PSD3: variants seen among roughly 807,000 people sequenced by gnomAD.
PSD3 encodes PH and SEC7 domain-containing protein 3.
In PSD3, 49 loss-of-function variants were observed where a neutral mutation model predicts 105.5. The ratio of observed to expected loss-of-function variants is 0.46; its 90% CI spans 0.37 to 0.59. PSD3 has a LOEUF of 0.59. Among genes scored for constraint, PSD3 ranks in the 20% least tolerant of loss-of-function variants. The probability of loss-of-function intolerance (pLI) is 0.00; values close to 1 mark genes in which losing one functional copy is unlikely to be tolerated. For synonymous variants in PSD3, 557 were observed against 457.8 expected, an observed-to-expected ratio of 1.22 and a Z score of -2.77; for missense variants, 1,561 against 1,263.8, an observed-to-expected ratio of 1.24 and a Z score of -3.57.
At chr8:18,774,107 T>C (rs1807803390) in intron 8 of PSD3, among the ~76,000 whole-genome samples, 1 of 152,238 alleles carries the variant, frequency 6.6e-6, no homozygotes, top group Admixed American at 6.5e-5. Flanking sequence ...TAATAGGTTT[T>C]TTCTTTTGTA....
chr8:18,666,755 C>T (rs1014750680), intron 9 of PSD3, among the ~76,000 whole-genome samples: 4 of 151,144 alleles, frequency 2.6e-5, no homozygotes, highest in African/African-American at 9.8e-5. Context: ...TGGAAGCACA[C>T]ATTATTCAAG....
chr8:19,069,949 C>CTT (rs5889849), intron 1 of PSD3, among the ~76,000 whole-genome samples: 1 of 139,010 alleles, frequency 7.2e-6, no homozygotes, highest in African/African-American at 2.6e-5. Context: ...TTTCTTTTTT[C>CTT]TTTTTTTTTT....
At chr8:18,923,885 A>AATAT (rs66515444) in intron 2 of PSD3, among the ~76,000 whole-genome samples, 47 of 151,072 alleles carry the variant, frequency 3.1e-4, no homozygotes, top group African/African-American at 7.8e-4. Context: ...AGCTACTTTA[A>AATAT]ATATATATAT....
intron 11 of PSD3, among the ~76,000 whole-genome samples, chr8:18,622,152 G>A (rs751506712): frequency 1.4e-4 from 21 of 152,124 alleles, no homozygotes; most frequent in Non-Finnish European, 2.4e-4. Flanking sequence ...CTTAAAAAGC[G>A]ATGAATATTT....
chr8:18,977,070 G>T (rs2129472452), intron 1 of PSD3, among the ~76,000 whole-genome samples: 1 of 152,164 alleles, frequency 6.6e-6, no homozygotes, highest in East Asian at 1.9e-4. Flanking sequence ...GACCAGGCTG[G>T]CCAACATGGT....
intron 1 of PSD3, chr8:18,979,503 C>T (rs1223646623): frequency 6.6e-6 from 1 of 152,174 alleles, no homozygotes; most frequent in Non-Finnish European, 1.5e-5. Flanking sequence ...GCCCACAGTT[C>T]TTCCAAGGAA....
At chr8:18,737,287 T>A (rs1804222474) in intron 9 of PSD3, among the ~76,000 whole-genome samples, 1 of 152,112 alleles carries the variant, frequency 6.6e-6, no homozygotes, top group African/African-American at 2.4e-5. Context: ...TAATGGAACT[T>A]TAATTTGAAC....
intron 2 of PSD3, among the ~76,000 whole-genome samples, chr8:18,883,105 C>T (rs1403063897): frequency 6.6e-6 from 1 of 152,126 alleles, no homozygotes; most frequent in East Asian, 1.9e-4. Flanking sequence ...CAGACATTCC[C>T]AATCAGAATC....
chr8:18,779,778 C>T lies in PSD3; in HGVS notation c.2083-14240G>A, dbSNP rs536997978. 3.6e-4 allele frequency among the ~76,000 whole-genome samples: 55 copies of T among 152,208 alleles called. 2 individuals carry two copies. The South Asian group carries it at 0.011, about 31-fold the overall frequency. On this transcript the variant is annotated intron_variant, in intron 8 of 15. Coordinates refer to ENST00000327040, the MANE Select transcript of PSD3 (RefSeq NM_015310.4). ...TTGTTGATTTCTAGTTTTATTCCAT[C>T]GTGGTCTGAGAAGATACGTGATATT...
chr8:18,574,509 T>C (rs556050684), intron 13 of PSD3, among the ~76,000 whole-genome samples: 2 of 152,298 alleles, frequency 1.3e-5, no homozygotes, highest in South Asian at 2.1e-4. Context: ...TGTTTCCTTA[T>C]AACCTCCCCC....
chr8:18,744,910 G>C (rs533758963), intron 9 of PSD3, among the ~76,000 whole-genome samples: 1 of 152,012 alleles, frequency 6.6e-6, no homozygotes, highest in African/African-American at 2.4e-5. Context: ...TTATGACCTC[G>C]ACACTTCAAA....
At chr8:18,699,220 T>C (rs1246939468) in intron 9 of PSD3, among the ~76,000 whole-genome samples, 2 of 152,192 alleles carry the variant, frequency 1.3e-5, no homozygotes, top group Non-Finnish European at 2.9e-5. Context: ...CTCATTTTAC[T>C]TTTACAGGCC....
rs1359311524 is a variant in PSD3, at chr8:18,850,913, GC to G, written c.1634+16760del. On this transcript the variant is annotated intron_variant, in intron 4 of 15. Coordinates refer to ENST00000327040, the MANE Select transcript of PSD3 (RefSeq NM_015310.4). ...ACATGCTGGGCACAGAAACTCTATT[GC>G]CCCCCCTCCCTTCTGAATACAGGTT... is the stretch of plus-strand genomic sequence containing the variant. 5.3e-5 allele frequency among the ~76,000 whole-genome samples: 8 copies of G among 152,110 alleles called. No individual in the cohort carries two copies. In the East Asian group the frequency reaches 5.8e-4, roughly 11 times the overall value.
intron 2 of PSD3, among the ~76,000 whole-genome samples, chr8:18,927,372 C>G (rs551348262): frequency 6.6e-6 from 1 of 152,102 alleles, no homozygotes; most frequent in Admixed American, 6.6e-5. Flanking sequence ...CGCCACCATG[C>G]CTGGCTAATT....
intron 4 of PSD3, among the ~76,000 whole-genome samples, chr8:18,853,249 A>G (rs961809487): frequency 2.0e-4 from 31 of 152,316 alleles, no homozygotes; most frequent in African/African-American, 7.0e-4. Context: ...GGAACTTACA[A>G]TCCATAGTCA....
intron 9 of PSD3, among the ~76,000 whole-genome samples, chr8:18,721,776 T>A (rs1802990407): frequency 6.6e-6 from 1 of 152,166 alleles, no homozygotes; most frequent in Non-Finnish European, 1.5e-5. Context: ...TCACACTTCT[T>A]TACCCAATAA....
chr8:19,034,885 T>TC (rs1225007297), intron 1 of PSD3, among the ~76,000 whole-genome samples: 1 of 152,062 alleles, frequency 6.6e-6, no homozygotes, highest in Non-Finnish European at 1.5e-5. Context: ...CTCCCTGCCC[T>TC]CCCTCTGCAT....
At chr8:18,647,426 G>C (rs904038398) in intron 10 of PSD3, among the ~76,000 whole-genome samples, 4 of 152,182 alleles carry the variant, frequency 2.6e-5, no homozygotes, top group Non-Finnish European at 4.4e-5. Context: ...TATAAAATGA[G>C]TTGTAGGGCA....
chr8:18,922,237 T>C (rs531878972), intron 2 of PSD3, among the ~76,000 whole-genome samples: 11 of 152,152 alleles, frequency 7.2e-5, no homozygotes, highest in African/African-American at 2.7e-4. Flanking sequence ...AAGTTTACTC[T>C]AACACGTCCT....
Sources: gnomAD v4.1 joint callset for allele counts (sites outside exome capture counted in the v4.1 genomes callset) on GRCh38, gnomAD v4.1.1 for gene constraint, MANE v1.5 for transcripts, NCBI Gene and HGNC (gene_info 2026-07-23, HGNC 2026-07-21) for gene names.